EMP2: variants seen among roughly 807,000 people sequenced by gnomAD.
EMP2 encodes the protein epithelial membrane protein 2.
In EMP2, 19 loss-of-function variants were observed where a neutral mutation model predicts 13.7. That is an observed-to-expected ratio of 1.38 (90% CI 0.97 to 2.03). The LOEUF (loss-of-function observed/expected upper bound fraction) is 2.03. Among genes scored for constraint, EMP2 ranks in the 30% most tolerant of loss-of-function variants. The pLI is 0.00. For missense variants in EMP2, 253 were observed against 220.7 expected, an observed-to-expected ratio of 1.15 and a Z score of -0.93; for synonymous variants, 97 against 84.7, an observed-to-expected ratio of 1.15 and a Z score of -0.80.
At chr16:10,549,653 G>A (rs934183121) in intron 1 of EMP2, among the ~76,000 whole-genome samples, 8 of 152,002 alleles carry the variant, frequency 5.3e-5, no homozygotes, top group South Asian at 2.1e-4. Context: ...AGTACAGTGC[G>A]AATCAGACCT....
intron 1 of EMP2, among the ~76,000 whole-genome samples, chr16:10,561,366 T>G (rs771269615): frequency 3.9e-5 from 6 of 152,154 alleles, no homozygotes; most frequent in Admixed American, 2.0e-4. Context: ...AATCCTGGTG[T>G]CATGGGTACA....
intron 3 of EMP2, among the ~76,000 whole-genome samples, chr16:10,539,374 G>A (rs189372992): frequency 3.3e-5 from 5 of 152,242 alleles, no homozygotes; most frequent in Admixed American, 6.5e-5. Flanking sequence ...TACAGATTAC[G>A]GTTGCTTGGA....
chr16:10,560,630 G>C (rs568023484), intron 1 of EMP2, among the ~76,000 whole-genome samples: 12 of 152,232 alleles, frequency 7.9e-5, no homozygotes, highest in Admixed American at 4.6e-4. Flanking sequence ...TAAAGGGCAA[G>C]GGTGTGTAAA....
At chr16:10,575,676 A>C (rs1187441099) in intron 1 of EMP2, among the ~76,000 whole-genome samples, 1 of 152,112 alleles carries the variant, frequency 6.6e-6, no homozygotes, top group Non-Finnish European at 1.5e-5. Context: ...ATCAAGATTA[A>C]AGTGAGGAAG....
chr16:10,533,977 T>C (rs1393841990), intron 4 of EMP2, among the ~76,000 whole-genome samples: 3 of 151,568 alleles, frequency 2.0e-5, no homozygotes, highest in African/African-American at 2.4e-5. Context: ...TAGCCGGGTG[T>C]GGTGGTAGGT....
chr16:10,553,854 T>C (rs368050679), intron 1 of EMP2, among the ~76,000 whole-genome samples: 6 of 152,180 alleles, frequency 3.9e-5, no homozygotes, highest in African/African-American at 7.2e-5. Context: ...ACACATTGCA[T>C]TGATATATTT....
chr16:10,537,534 C>T (rs1313479304), intron 4 of EMP2, among the ~76,000 whole-genome samples: 1 of 152,200 alleles, frequency 6.6e-6, no homozygotes, highest in East Asian at 1.9e-4. Context: ...TCCAGCCCCA[C>T]TGGGCAGCTC....
chr16:10,542,474 G>C (rs1375121252), intron 3 of EMP2, among the ~76,000 whole-genome samples: 1 of 146,764 alleles, frequency 6.8e-6, no homozygotes, highest in South Asian at 2.1e-4. Flanking sequence ...ATATTTTTTA[G>C]CATAAGTATG....
At chr16:10,578,466 A>G (rs186962203) in intron 1 of EMP2, among the ~76,000 whole-genome samples, 5 of 152,316 alleles carry the variant, frequency 3.3e-5, no homozygotes, top group Admixed American at 3.3e-4. Context: ...CATAGCCACA[A>G]TAAAACGCCA....
chr16:10,533,039 G>A lies in EMP2; in HGVS notation c.370C>T (p.His124Tyr). Residue 124 changes from histidine (H) to tyrosine (Y), a missense_variant, in exon 5 of 5, where the codon CAC becomes TAC. Coordinates refer to ENST00000359543, the MANE Select transcript of EMP2 (RefSeq NM_001424.6). The part of the protein sequence containing the change: ...SIYTDRREDI[H>Y]DKNAKFYPVT... The stretch of plus-strand genomic sequence containing the variant: ...GGATAGAATTTCGCGTTTTTGTCGT[G>A]AATGTCTTCACGCCTGTCTGTATAA... The A allele has an allele frequency of 6.2e-7, 1 of 1,610,954 alleles. No homozygotes were observed. The highest frequency in any genetic ancestry group is 8.5e-7 in the Non-Finnish European group (1 of 1,178,592).
chr16:10,541,378 T>C (rs1110105), intron 3 of EMP2, among the ~76,000 whole-genome samples: 90,792 of 152,062 alleles, frequency 0.6, 28,933 homozygotes, highest in African/African-American at 0.82. Flanking sequence ...GGTCTCTTGT[T>C]GAATGTTCTT....
Position 10,532,683 on chromosome 16 carries a change from C to T in EMP2, c.*222G>A, listed in dbSNP as rs1157960512. The T allele has an allele frequency of 1.2e-5, 4 of 331,256 alleles. No individual in the cohort carries two copies. The highest frequency in any genetic ancestry group is 2.1e-5 in the African/African-American group (1 of 46,520). The allele number at this position is 331,256 out of a possible 1,614,324, so 20.5% of individuals were successfully genotyped here. On this transcript the variant is annotated 3_prime_UTR_variant, in exon 5 of 5. Transcript: ENST00000359543. ...TTGAGTGGGCAGCAGTTCTGAATAC[C>T]AGCCTTCATAGTCTATTCTCTGATC...
At chr16:10,543,435 G>T in intron 3 of EMP2, 135 bp downstream of exon 3, 1 of 951,414 alleles carries the variant, frequency 1.1e-6, no homozygotes, top group Non-Finnish European at 1.6e-6. Context: ...CACACACTGA[G>T]CAAACGCGGC....
At chr16:10,569,252 C>A (rs139138316) in intron 1 of EMP2, among the ~76,000 whole-genome samples, 4 of 152,178 alleles carry the variant, frequency 2.6e-5, no homozygotes, top group Non-Finnish European at 5.9e-5. Context: ...TGTGGGTGCA[C>A]CACCTGTTCT....
At chr16:10,566,222 T>A (rs937494937) in intron 1 of EMP2, among the ~76,000 whole-genome samples, 1 of 152,228 alleles carries the variant, frequency 6.6e-6, no homozygotes, top group African/African-American at 2.4e-5. Context: ...TTCATAATTG[T>A]CCTTAACCCA....
At chr16:10,579,739 C>CA (rs58884484) in intron 1 of EMP2, among the ~76,000 whole-genome samples, 37 of 145,748 alleles carry the variant, frequency 2.5e-4, no homozygotes, top group African/African-American at 8.0e-4. Flanking sequence ...CACACACACA[C>CA]CCTCAAAGCT....
At chr16:10,552,118 CCTTT>C (rs2050792966) in intron 1 of EMP2, among the ~76,000 whole-genome samples, 2 of 126,192 alleles carry the variant, frequency 1.6e-5, no homozygotes, top group African/African-American at 1.0e-4. Flanking sequence ...TGATGCATTC[CCTTT>C]TTTTTTTTTT....
chr16:10,564,616 T>C (rs1374221085), intron 1 of EMP2, among the ~76,000 whole-genome samples: 3 of 151,902 alleles, frequency 2.0e-5, no homozygotes, highest in Non-Finnish European at 2.9e-5. Flanking sequence ...ACCAGCATCG[T>C]AGTCAAGGAA....
intron 4 of EMP2, among the ~76,000 whole-genome samples, chr16:10,535,862 G>A (rs1001874526): frequency 1.3e-5 from 2 of 152,196 alleles, no homozygotes; most frequent in Non-Finnish European, 2.9e-5. Context: ...TGGGAAGAAC[G>A]CATTCTCCCT....
Sources: allele counts gnomAD v4.1 joint callset (sites outside exome capture counted in the v4.1 genomes callset), GRCh38; gene constraint gnomAD v4.1.1; transcripts MANE v1.5; gene names NCBI Gene and HGNC (gene_info 2026-07-23, HGNC 2026-07-21).